The following CSMD1 variants were observed in gnomAD, a reference collection of about 807,000 sequenced individuals.
CSMD1 encodes the protein CUB and sushi domain-containing protein 1.
CSMD1 carries 213 observed loss-of-function variants against 417.5 expected under a neutral mutation model. The ratio of observed to expected loss-of-function variants is 0.51; its 90% CI spans 0.46 to 0.57. CSMD1 has a LOEUF of 0.57. Ranked by LOEUF, CSMD1 falls within the 20% of genes least tolerant of loss-of-function variation. The pLI is 0.00. For missense variants in CSMD1, 6,923 were observed against 4,529.7 expected, an observed-to-expected ratio of 1.53 and a Z score of -15.17; for synonymous variants, 2,862 against 1,736.8, an observed-to-expected ratio of 1.65 and a Z score of -16.11.
Position 4,158,555 on chromosome 8 carries a change from C to G in CSMD1, c.416-126456G>C, listed in dbSNP as rs1169412063. Among the ~76,000 whole-genome samples the G allele has an allele frequency of 4.6e-5, 7 of 152,150 alleles. No homozygotes were observed. In the South Asian group the frequency reaches 1.0e-3, roughly 22 times the overall value. Reference sequence around the variant, plus strand: ...ATTAACACAGCCGCTAGGTTGTGTCCTAGGTTCACTATGACAGAACAGTCC... The same window carrying G: ...ATTAACACAGCCGCTAGGTTGTGTCGTAGGTTCACTATGACAGAACAGTCC... On this transcript the variant is annotated intron_variant, in intron 3 of 69. Coordinates refer to ENST00000635120, the MANE Select transcript of CSMD1 (RefSeq NM_033225.6).
At chr8:3,594,477 G>A (rs1209386314) in intron 8 of CSMD1, among the ~76,000 whole-genome samples, 1 of 152,042 alleles carries the variant, frequency 6.6e-6, no homozygotes, top group African/African-American at 2.4e-5. Flanking sequence ...AACCCTGTTG[G>A]TAACAAAGCT....
chr8:4,603,232 T>C (rs1300936629), intron 2 of CSMD1, among the ~76,000 whole-genome samples: 6 of 152,082 alleles, frequency 3.9e-5, no homozygotes, highest in Non-Finnish European at 8.8e-5. Context: ...AAATTCTCTT[T>C]TCTTGAACCA....
Position 2,967,821 on chromosome 8 carries a change from T to TTTGCTCAG in CSMD1, c.8924-1076_8924-1075insCTGAGCAA, listed in dbSNP as rs559551724. On this transcript the variant is annotated intron_variant, in intron 57 of 69. Transcript: ENST00000635120. Reference sequence around the variant, plus strand: ...GCAAAATTTGCTCAGCACAGAGAAGTCACTGTACTGGGAGTCGAGGGACTA... The same window carrying TTTGCTCAG: ...GCAAAATTTGCTCAGCACAGAGAAGTTTGCTCAGCACTGTACTGGGAGTCGAGGGACTA... Among the ~76,000 whole-genome samples, 1,246 of 152,290 alleles carry TTTGCTCAG rather than the reference T, an allele frequency of 8.2e-3. 16 individuals carry two copies. The highest frequency in any genetic ancestry group is 0.027 in the African/African-American group (1,121 of 41,562).
At chr8:4,823,339 G>T (rs565927295) in intron 1 of CSMD1, among the ~76,000 whole-genome samples, 1 of 151,746 alleles carries the variant, frequency 6.6e-6, no homozygotes, top group Admixed American at 6.6e-5. Context: ...TTTTTAAAAT[G>T]TATTACAATT....
intron 1 of CSMD1, among the ~76,000 whole-genome samples, chr8:4,879,289 T>C (rs1466720137): frequency 6.6e-6 from 1 of 151,896 alleles, no homozygotes; most frequent in Non-Finnish European, 1.5e-5. Flanking sequence ...TTTCAATTTG[T>C]GTTTATTGGC....
chr8:3,290,958 G>T (rs4875524), intron 25 of CSMD1, among the ~76,000 whole-genome samples: 72,142 of 151,910 alleles, frequency 0.47, 19,180 homozygotes, highest in South Asian at 0.63. Context: ...ATTGGCTGTG[G>T]GTTTGTCATA....
At chr8:4,223,677 A>C (rs894566468) in intron 3 of CSMD1, among the ~76,000 whole-genome samples, 4 of 152,242 alleles carry the variant, frequency 2.6e-5, no homozygotes, top group Non-Finnish European at 5.9e-5. Flanking sequence ...TCTTGGAAAA[A>C]TCATTTGACT....
At chr8:4,339,908 C>T (rs962862350) in intron 3 of CSMD1, among the ~76,000 whole-genome samples, 9 of 152,018 alleles carry the variant, frequency 5.9e-5, no homozygotes, top group African/African-American at 2.2e-4. Context: ...ACCAGTAGTC[C>T]TGGCTCCTAA....
At position 4,470,952 on chromosome 8, in the gene CSMD1, T is replaced by C. The variant is rs183800224; in HGVS notation, c.303-50887A>G. On this transcript the variant is annotated intron_variant, in intron 2 of 69. Coordinates refer to ENST00000635120, the MANE Select transcript of CSMD1 (RefSeq NM_033225.6). ...AAGTATTTTTGGGATTTCCCTCAAG[T>C]GACATGTCAATTCAGTGTCTTTTAA... Among the ~76,000 whole-genome samples, 239 of 152,336 alleles carry C rather than the reference T, an allele frequency of 1.6e-3. 1 individual carries two copies. Among genetic ancestry groups the C allele is most frequent in the Non-Finnish European group, 3.2e-4 (22 of 68,016 alleles).
chr8:4,988,775 C>G (rs1244393064), intron 1 of CSMD1, among the ~76,000 whole-genome samples: 1 of 152,230 alleles, frequency 6.6e-6, no homozygotes, highest in Non-Finnish European at 1.5e-5. Context: ...CAACTGAGCT[C>G]AGAAAAGAGA....
At chr8:4,247,348 G>T (rs1012984895) in intron 3 of CSMD1, among the ~76,000 whole-genome samples, 1 of 152,060 alleles carries the variant, frequency 6.6e-6, no homozygotes. Context: ...AGTGCTGCTG[G>T]GTGTGGACAT....
chr8:3,583,458 G>A (rs776854586), intron 9 of CSMD1, among the ~76,000 whole-genome samples: 1 of 151,964 alleles, frequency 6.6e-6, no homozygotes, highest in Non-Finnish European at 1.5e-5. Context: ...CCTGGAAACC[G>A]AAAGAGGTGG....
chr8:3,494,991 A>T (rs7839045), intron 10 of CSMD1, among the ~76,000 whole-genome samples: 121,250 of 152,096 alleles, frequency 0.8, 48,423 homozygotes, highest in Middle Eastern at 0.87. Flanking sequence ...GCAATGCCAA[A>T]AAGGAATACA....
intron 6 of CSMD1, among the ~76,000 whole-genome samples, chr8:3,739,064 C>G (rs7826250): frequency 0.085 from 12,926 of 152,154 alleles, 572 homozygotes; most frequent in Middle Eastern, 0.11. Context: ...TACATTTCAC[C>G]TGACACAGGT....
chr8:3,724,209 T>C (rs917667587), intron 6 of CSMD1, among the ~76,000 whole-genome samples: 1 of 146,592 alleles, frequency 6.8e-6, no homozygotes, highest in Non-Finnish European at 1.5e-5. Flanking sequence ...TTTTTTTTTA[T>C]TATTATACTT....
intron 5 of CSMD1, among the ~76,000 whole-genome samples, chr8:3,776,964 T>A (rs150496968): frequency 1.1e-3 from 173 of 152,082 alleles, no homozygotes; most frequent in African/African-American, 3.5e-3. Context: ...TTCTCCTACC[T>A]GGGCCTCCCA....
At chr8:3,788,991 T>C (rs996904910) in intron 5 of CSMD1, among the ~76,000 whole-genome samples, 1 of 152,206 alleles carries the variant, frequency 6.6e-6, no homozygotes, top group African/African-American at 2.4e-5. Context: ...TTGTAAGTTA[T>C]TTCCACTGTA....
intron 2 of CSMD1, among the ~76,000 whole-genome samples, chr8:4,501,179 T>C (rs1242410784): frequency 2.0e-5 from 3 of 152,100 alleles, no homozygotes; most frequent in African/African-American, 4.8e-5. Context: ...TGCATATATA[T>C]GTATGTGTAT....
intron 21 of CSMD1, among the ~76,000 whole-genome samples, chr8:3,350,215 TATA>T (rs1465798832): frequency 1.5e-5 from 2 of 133,298 alleles, no homozygotes; most frequent in South Asian, 2.5e-4. Flanking sequence ...TTATAATACC[TATA>T]ATAACCTATA....
Sources: gnomAD v4.1 joint callset for allele counts (sites outside exome capture counted in the v4.1 genomes callset) on GRCh38, gnomAD v4.1.1 for gene constraint, MANE v1.5 for transcripts, NCBI Gene and HGNC (gene_info 2026-07-23, HGNC 2026-07-21) for gene names.